Variants in ATP1B3 observed in about 807,000 individuals in gnomAD.
ATP1B3 encodes sodium/potassium-transporting ATPase subunit beta-3.
ATP1B3 carries 10 observed loss-of-function variants against 30.2 expected under a neutral mutation model. The observed-to-expected ratio is 0.33, with a 90% CI of 0.20 to 0.56. The LOEUF (loss-of-function observed/expected upper bound fraction) is 0.56. Ranked by LOEUF, ATP1B3 falls within the 20% of genes least tolerant of loss-of-function variation. The probability of loss-of-function intolerance (pLI) is 0.90; values close to 1 mark genes in which losing one functional copy is unlikely to be tolerated. For synonymous variants in ATP1B3, 113 were observed against 117.0 expected, an observed-to-expected ratio of 0.97 and a Z score of 0.22; for missense variants, 238 against 336.7, an observed-to-expected ratio of 0.71 and a Z score of 2.29.
intron 4 of ATP1B3, among the ~76,000 whole-genome samples, chr3:141,914,584 C>T (rs965905771): frequency 2.0e-5 from 3 of 152,138 alleles, no homozygotes; most frequent in Admixed American, 6.5e-5. Flanking sequence ...TGTTCTGATG[C>T]GCTTACTGTT....
chr3:141,910,890 C>T (rs887219511), intron 3 of ATP1B3, among the ~76,000 whole-genome samples: 2 of 151,248 alleles, frequency 1.3e-5, no homozygotes, highest in African/African-American at 4.9e-5. Flanking sequence ...TAAATTTGAA[C>T]CCTTTTATTT....
chr3:141,884,790 ATAT>A (rs2107764027), intron 1 of ATP1B3, among the ~76,000 whole-genome samples: 2 of 152,230 alleles, frequency 1.3e-5, no homozygotes, highest in South Asian at 2.1e-4. Flanking sequence ...AGATATATAC[ATAT>A]TATTAGTTCT....
Position 141,916,590 on chromosome 3 carries a change from A to G in ATP1B3, c.582+570A>G, listed in dbSNP as rs978188217. The G allele has an allele frequency of 2.4e-5, 31 of 1,277,532 alleles. No individual in the cohort carries two copies. In the Admixed American group the frequency reaches 2.8e-4, roughly 11 times the overall value. 79.1% of individuals were successfully genotyped at this position (1,277,532 alleles called of 1,614,324 possible). ...TAAAAGATGGGTAAGAGTTCTGAGG[A>G]GACATTAAGTTCTAAATTTATCATT... On this transcript the variant is annotated intron_variant, in intron 5 of 6. Transcript: ENST00000286371.
rs114075948 is a variant in ATP1B3, at chr3:141,894,541, A to G, written c.110-9079A>G. ...ATAAAAATATTTTCTTTATATCCTT[A>G]TTCTATAACATTTTTTCTATTTAAA... On this transcript the variant is annotated intron_variant, in intron 1 of 6. Coordinates refer to ENST00000286371, the MANE Select transcript of ATP1B3 (RefSeq NM_001679.4). Among the ~76,000 whole-genome samples the G allele has an allele frequency of 3.3e-3, 508 of 152,282 alleles. 2 individuals carry two copies. The highest frequency in any genetic ancestry group is 5.3e-3 in the Non-Finnish European group (360 of 68,030).
At chr3:141,892,672 AAAAAC>A (rs1252872824) in intron 1 of ATP1B3, among the ~76,000 whole-genome samples, 5 of 143,062 alleles carry the variant, frequency 3.5e-5, no homozygotes, top group African/African-American at 7.4e-5. Context: ...AAAAAAAAAA[AAAAAC>A]AGTTATCGAA....
intron 5 of ATP1B3, chr3:141,916,384 C>T (rs775745247): frequency 2.7e-5 from 13 of 472,786 alleles, no homozygotes; most frequent in Middle Eastern, 3.2e-4. Flanking sequence ...AGTTAGTTGG[C>T]GTGCTAGTCA....
chr3:141,885,617 T>C (rs561130830), intron 1 of ATP1B3, among the ~76,000 whole-genome samples: 1 of 152,134 alleles, frequency 6.6e-6, no homozygotes, highest in South Asian at 2.1e-4. Context: ...CCTGGCAATT[T>C]TTGTATTTTT....
chr3:141,878,287 A>G (rs1014760671), intron 1 of ATP1B3, among the ~76,000 whole-genome samples: 4 of 152,238 alleles, frequency 2.6e-5, no homozygotes, highest in African/African-American at 4.8e-5. Flanking sequence ...GTAATCACTC[A>G]TGATTTTTAT....
At chr3:141,878,475 C>G (rs1933649573) in intron 1 of ATP1B3, among the ~76,000 whole-genome samples, 1 of 152,198 alleles carries the variant, frequency 6.6e-6, no homozygotes, top group Non-Finnish European at 1.5e-5. Context: ...TTTTGATAGG[C>G]TACCTTCCTC....
intron 1 of ATP1B3, among the ~76,000 whole-genome samples, chr3:141,886,026 TAGCCC>T (rs952106608): frequency 3.9e-5 from 6 of 152,246 alleles, no homozygotes; most frequent in Non-Finnish European, 8.8e-5. Flanking sequence ...TTAAGCAATG[TAGCCC>T]ACTGCTGTCG....
intron 6 of ATP1B3, among the ~76,000 whole-genome samples, chr3:141,923,026 G>A (rs150316684): frequency 0.019 from 2,790 of 148,880 alleles, 80 homozygotes; most frequent in African/African-American, 0.066. Context: ...GCCTGCAATC[G>A]CAGCATTTTG....
intron 1 of ATP1B3, among the ~76,000 whole-genome samples, chr3:141,889,945 T>C (rs1025659354): frequency 6.6e-6 from 1 of 150,996 alleles, no homozygotes; most frequent in Non-Finnish European, 1.5e-5. Flanking sequence ...TATTGTACAA[T>C]CATACAAAAA....
Position 141,925,578 on chromosome 3 carries a change from TAAC to T in ATP1B3, c.722_724del (p.Asn241del). ...TTGCTGTTCAGGTCAGCTTTGCTCC[TAAC>T]AACACTGGGAAAGAAGTAACAGTTG... On this transcript the variant is annotated inframe_deletion, in exon 7 of 7. Coordinates refer to ENST00000286371, the MANE Select transcript of ATP1B3 (RefSeq NM_001679.4). The T allele has an allele frequency of 6.2e-7, 1 of 1,613,872 alleles. No homozygotes were observed. Among genetic ancestry groups the T allele is most frequent in the Non-Finnish European group, 8.5e-7 (1 of 1,179,836 alleles).
At chr3:141,901,532 A>G (rs1934163375) in intron 1 of ATP1B3, among the ~76,000 whole-genome samples, 1 of 152,132 alleles carries the variant, frequency 6.6e-6, no homozygotes, top group Non-Finnish European at 1.5e-5. Flanking sequence ...TAACTTATTT[A>G]CTTGTTTCTA....
At chr3:141,890,778 G>T (rs531972802) in intron 1 of ATP1B3, among the ~76,000 whole-genome samples, 9 of 152,062 alleles carry the variant, frequency 5.9e-5, no homozygotes, top group African/African-American at 2.2e-4. Flanking sequence ...TTGCCATGTT[G>T]CCCAGGCTGG....
At chr3:141,880,994 CAG>C (rs1164218759) in intron 1 of ATP1B3, among the ~76,000 whole-genome samples, 2 of 152,116 alleles carry the variant, frequency 1.3e-5, no homozygotes, top group Non-Finnish European at 1.5e-5. Context: ...CACCTGAAGT[CAG>C]AGTTCGAGAC....
intron 6 of ATP1B3, 38 bp from the exon 7 acceptor site, chr3:141,925,493 A>G: frequency 6.4e-7 from 1 of 1,554,556 alleles, no homozygotes; most frequent in South Asian, 1.2e-5. Flanking sequence ...TTAAGTTTCC[A>G]TAGAGTTTGA....
chr3:141,906,796 G>A (rs1028985269), intron 2 of ATP1B3, among the ~76,000 whole-genome samples: 1 of 152,128 alleles, frequency 6.6e-6, no homozygotes, highest in Non-Finnish European at 1.5e-5. Context: ...GCTTTGATTT[G>A]CTCAAATTTT....
intron 2 of ATP1B3, among the ~76,000 whole-genome samples, chr3:141,904,168 C>T (rs182727508): frequency 2.0e-5 from 3 of 152,246 alleles, no homozygotes; most frequent in Admixed American, 1.3e-4. Context: ...GATAGCTAAA[C>T]CTTGGAGCTG....
Sources: allele counts gnomAD v4.1 joint callset (sites outside exome capture counted in the v4.1 genomes callset), GRCh38; gene constraint gnomAD v4.1.1; transcripts MANE v1.5; gene names NCBI Gene and HGNC (gene_info 2026-07-23, HGNC 2026-07-21).